The following CYP4B1 variants were observed in gnomAD, a reference collection of about 807,000 sequenced individuals.
The protein encoded by CYP4B1 is cytochrome P450 family 4 subfamily B member 1, also known as cytochrome P450 4B1.
A neutral mutation model predicts 54.0 loss-of-function variants in CYP4B1; 45 were observed. The observed-to-expected ratio is 0.83, with a 90% CI of 0.66 to 1.07. CYP4B1 has a LOEUF of 1.07. CYP4B1 is among the 50% of genes least tolerant of loss of function. CYP4B1 has a pLI of 0.00. For missense variants in CYP4B1, 656 were observed against 655.4 expected (o/e 1.00, Z -0.01); for synonymous variants, 248 against 247.5 (o/e 1.00, Z -0.02).
At chr1:46,800,259 T>TC (rs1252267525) in intron 1 of CYP4B1, among the ~76,000 whole-genome samples, 230 of 109,054 alleles carry the variant, frequency 2.1e-3, no homozygotes, top group Middle Eastern at 4.1e-3. Flanking sequence ...CCTTCCTTCC[T>TC]TCCTTCCTTC....
At chr1:46,805,509 C>T (rs1397505073) in intron 1 of CYP4B1, among the ~76,000 whole-genome samples, 1 of 152,204 alleles carries the variant, frequency 6.6e-6, no homozygotes, top group Non-Finnish European at 1.5e-5. Context: ...TATCTGTTCA[C>T]ATGTACATGT....
intron 9 of CYP4B1, 75 bp downstream of exon 9, chr1:46,817,256 A>G: frequency 1.3e-6 from 2 of 1,578,926 alleles, no homozygotes; most frequent in Admixed American, 3.5e-5. Context: ...CTTTAGTCAA[A>G]TCTTTGCACT....
At chr1:46,813,416 G>C in intron 4 of CYP4B1, 66 bp from the exon 5 acceptor site, 2 of 1,604,430 alleles carry the variant, frequency 1.2e-6, no homozygotes, top group South Asian at 2.2e-5. Flanking sequence ...AGGGCAGCTT[G>C]GGGCATCCAG....
intron 1 of CYP4B1, among the ~76,000 whole-genome samples, chr1:46,805,354 G>T (rs4646480): frequency 0.12 from 18,415 of 152,296 alleles, 1,294 homozygotes; most frequent in Admixed American, 0.18. Context: ...AAAGACTGGG[G>T]CACGATGCTA....
In CYP4B1 at chr1:46,818,915, G is replaced by A. The variant is rs949836211; in HGVS notation, c.*101G>A. On this transcript the variant is annotated 3_prime_UTR_variant, in exon 12 of 12. Transcript: ENST00000371923. The stretch of plus-strand genomic sequence containing the variant: ...AGGAGTTGGGGCCCCCTGCCTTCAG[G>A]AGGCTTGTAGTTTAGAAGGGAAGTA... The A allele has an allele frequency of 2.8e-6, 3 of 1,080,612 alleles. No homozygotes were observed. The highest frequency in any genetic ancestry group is 4.5e-5 in the Admixed American group (2 of 44,636). 66.9% of individuals were successfully genotyped at this position (1,080,612 alleles called of 1,614,324 possible).
intron 1 of CYP4B1, chr1:46,806,822 C>T (rs973820762): frequency 1.2e-4 from 18 of 152,234 alleles, no homozygotes; most frequent in Admixed American, 1.0e-3. Flanking sequence ...GGAGAAAAAA[C>T]AAGCCGTCCC....
chr1:46,814,842 C>G (rs141765202), intron 7 of CYP4B1: 21 of 558,816 alleles, frequency 3.8e-5, no homozygotes, highest in African/African-American at 3.2e-4. Context: ...CAGGGCTGGA[C>G]AAGGTCACAA....
chr1:46,812,668 C>A, intron 4 of CYP4B1, 45 bp downstream of exon 4: 1 of 1,595,158 alleles, frequency 6.3e-7, no homozygotes, highest in Non-Finnish European at 8.6e-7. Context: ...GCCTGCTGGG[C>A]TAGCCCCTCT....
chr1:46,814,933 G>A, intron 7 of CYP4B1, 141 bp from the exon 8 acceptor site: 2 of 682,896 alleles, frequency 2.9e-6, no homozygotes, highest in Non-Finnish European at 5.0e-6. Flanking sequence ...ATAGGAATCT[G>A]GGGGAAGGTC....
intron 1 of CYP4B1, among the ~76,000 whole-genome samples, chr1:46,799,731 C>A (rs941219183): frequency 3.3e-5 from 5 of 152,246 alleles, no homozygotes; most frequent in African/African-American, 1.2e-4. Flanking sequence ...ACAGACCTCA[C>A]CGAGTGTCTA....
At chr1:46,800,193 CT>C (rs1476593052) in intron 1 of CYP4B1, among the ~76,000 whole-genome samples, 1 of 43,072 alleles carries the variant, frequency 2.3e-5, no homozygotes, top group Non-Finnish European at 7.0e-5. Context: ...CTCTTTCTTT[CT>C]TTCTCTTTCT....
chr1:46,813,231 A>G (rs1394576899), intron 4 of CYP4B1, among the ~76,000 whole-genome samples: 1 of 152,148 alleles, frequency 6.6e-6, no homozygotes, highest in Non-Finnish European at 1.5e-5. Flanking sequence ...ACTGGGAGAA[A>G]ACGTCTGTGT....
intron 1 of CYP4B1, among the ~76,000 whole-genome samples, chr1:46,809,281 C>T (rs1273426092): frequency 6.6e-6 from 1 of 152,178 alleles, no homozygotes; most frequent in Non-Finnish European, 1.5e-5. Context: ...GAGGGATCCA[C>T]CCCTATGATG....
intron 1 of CYP4B1, among the ~76,000 whole-genome samples, chr1:46,808,005 G>C (rs1391139104): frequency 1.3e-5 from 2 of 152,206 alleles, no homozygotes; most frequent in Non-Finnish European, 2.9e-5. Flanking sequence ...AGTTCCACAG[G>C]CTGTACAGGA....
chr1:46,802,395 T>C (rs1480145908), intron 1 of CYP4B1, among the ~76,000 whole-genome samples: 1 of 152,220 alleles, frequency 6.6e-6, no homozygotes, highest in Non-Finnish European at 1.5e-5. Context: ...TAAGCCACTT[T>C]ACCTCTCTGT....
chr1:46,818,817 C>T lies in CYP4B1; in HGVS notation c.*3C>T. 6.2e-7 allele frequency: 1 copy of T among 1,614,036 alleles called. No homozygotes were observed. The highest frequency in any genetic ancestry group is 8.5e-7 in the Non-Finnish European group (1 of 1,179,950). Reference sequence around the variant, plus strand: ...TGGGCCCTGGGTCTGGGAAGTAGCTCTGATGAGAATGGGGTCCCAGATGGC... The same window carrying T: ...TGGGCCCTGGGTCTGGGAAGTAGCTTTGATGAGAATGGGGTCCCAGATGGC... On this transcript the variant is annotated 3_prime_UTR_variant, in exon 12 of 12. Coordinates refer to ENST00000371923, the MANE Select transcript of CYP4B1 (RefSeq NM_001099772.2).
At chr1:46,805,808 C>T (rs1026357337) in intron 1 of CYP4B1, among the ~76,000 whole-genome samples, 1 of 152,184 alleles carries the variant, frequency 6.6e-6, no homozygotes, top group Admixed American at 6.5e-5. Context: ...AAAAGCTTGG[C>T]AGTGGCTTGG....
At chr1:46,803,885 G>C (rs1354715179) in intron 1 of CYP4B1, among the ~76,000 whole-genome samples, 1 of 152,168 alleles carries the variant, frequency 6.6e-6, no homozygotes, top group East Asian at 1.9e-4. Context: ...CCATCCCCAG[G>C]TTCAGTAGGA....
In CYP4B1 at chr1:46,813,911, G is replaced by C. The variant is rs1366888186; in HGVS notation, c.623G>C (p.Arg208Thr). 6.2e-7 allele frequency: 1 copy of C among 1,614,062 alleles called. No individual in the cohort carries two copies. Among genetic ancestry groups the C allele is most frequent in the African/African-American group, 1.3e-5 (1 of 75,022 alleles). ...CCCTCCTCCTACCCTCTGCTTAGCA[G>C]GGACAGCAGCTACTACCTTGCAGTC... ...GRGDTGLGHS[R>T]DSSYYLAVSD... The change falls in exon 6 of 12, where the codon AGG becomes ACG. Residue 208 changes from arginine (R) to threonine (T), a missense_variant and splice_region_variant. Physicochemically the swap from Arg to Thr is moderately conservative, Grantham distance 71. Transcript: ENST00000371923.
Sources: allele counts gnomAD v4.1 joint callset (sites outside exome capture counted in the v4.1 genomes callset), GRCh38; gene constraint gnomAD v4.1.1; transcripts MANE v1.5; gene names NCBI Gene and HGNC (gene_info 2026-07-23, HGNC 2026-07-21).